The following ZFYVE1 variants were observed in gnomAD, a reference collection of about 807,000 sequenced individuals.
The protein encoded by ZFYVE1 is zinc finger FYVE domain-containing protein 1.
In ZFYVE1, 30 loss-of-function variants were observed where a neutral mutation model predicts 74.4. The observed-to-expected ratio is 0.40, with a 90% confidence interval of 0.30 to 0.55. The LOEUF is 0.55. ZFYVE1 is among the 20% of genes least tolerant of loss of function. The probability of loss-of-function intolerance (pLI) is 0.42; values close to 1 mark genes in which losing one functional copy is unlikely to be tolerated. For synonymous variants in ZFYVE1, 335 were observed against 385.1 expected (o/e 0.87, Z 1.52); for missense variants, 703 against 1,011.6 (o/e 0.69, Z 4.14).
chr14:72,973,643 CT>C (rs1893092492), intron 11 of ZFYVE1, among the ~76,000 whole-genome samples: 1 of 152,168 alleles, frequency 6.6e-6, no homozygotes, highest in Non-Finnish European at 1.5e-5. Context: ...GAGTGAGGCT[CT>C]GCTACACACA....
In ZFYVE1 at chr14:72,988,300, G is replaced by A. The variant is rs772058663; in HGVS notation, c.1203+4843C>T. Among the ~76,000 whole-genome samples, 5 of 150,824 alleles carry A rather than the reference G, an allele frequency of 3.3e-5. No individual in the cohort carries two copies. The South Asian group carries it at 8.4e-4, about 25-fold the overall frequency. ...AGGGATTCTCCTGATTCAGCCTCCC[G>A]GGTAGCTGGGATTACAGGCACACAC... On this transcript the variant is annotated intron_variant, in intron 4 of 11. Coordinates refer to ENST00000556143, the MANE Select transcript of ZFYVE1 (RefSeq NM_021260.4).
In ZFYVE1 at chr14:73,015,680, G is replaced by A. The variant is rs533775010; in HGVS notation, c.483+8346C>T. On this transcript the variant is annotated intron_variant, in intron 2 of 11. Transcript: ENST00000556143. ...ATTACAGGCGTGAGCCACCACGCCC[G>A]GCCTGCTATTTTCCATTCCTGAACT... 1.9e-4 allele frequency among the ~76,000 whole-genome samples: 29 copies of A among 152,238 alleles called. No homozygotes were observed. In the South Asian group the frequency reaches 4.6e-3, roughly 24 times the overall value.
In ZFYVE1 at chr14:72,974,206, A is replaced by G; in HGVS notation, c.1988-13T>C. On this transcript the variant is annotated splice_polypyrimidine_tract_variant and intron_variant, in intron 10 of 11. Coordinates refer to ENST00000556143, the MANE Select transcript of ZFYVE1 (RefSeq NM_021260.4). ...GCCTCGGTAACAGCTGTAGACAGTA[A>G]TAAAGGAAATGCTGTCACCTCTAAG... The G allele has an allele frequency of 1.9e-6, 3 of 1,611,316 alleles. No homozygotes were observed. The highest frequency in any genetic ancestry group is 2.5e-6 in the Non-Finnish European group (3 of 1,177,482).
In ZFYVE1 at chr14:72,990,148, T is replaced by A. The variant is rs8014653; in HGVS notation, c.1203+2995A>T. ...AATTAAGCATTTTTAATTTAAAGGA[T>A]GTTTAAAACAAAAAAGTACAAAACC... On this transcript the variant is annotated intron_variant, in intron 4 of 11. Coordinates refer to ENST00000556143, the MANE Select transcript of ZFYVE1 (RefSeq NM_021260.4). 3.8e-3 allele frequency among the ~76,000 whole-genome samples: 572 copies of A among 152,342 alleles called. 2 individuals carry two copies. Among genetic ancestry groups the A allele is most frequent in the African/African-American group, 0.013 (529 of 41,584 alleles).
rs1324785270 is a variant in ZFYVE1 at position 73,024,158 on chromosome 14, A to C, written c.351T>G (p.Pro117=). The C allele has an allele frequency of 6.2e-7, 1 of 1,614,174 alleles. No homozygotes were observed. Among genetic ancestry groups the C allele is most frequent in the South Asian group, 1.1e-5 (1 of 91,080 alleles). ...THSGGNKRRH[P]VTVYNVSNLQ... ...GATTACTGACATTGTACACAGTAAC[A>C]GGGTGTCTCCTTTTGTTACCCCCAG... The change falls in exon 2 of 12, where the codon CCT becomes CCG. Residue 117 remains proline (P), a synonymous_variant. Transcript: ENST00000556143.
chr14:73,017,831 A>G (rs184900944), intron 2 of ZFYVE1, among the ~76,000 whole-genome samples: 47 of 152,248 alleles, frequency 3.1e-4, no homozygotes, highest in African/African-American at 1.0e-3. Context: ...TAGTCTATAC[A>G]TCAGTCTCTA....
rs777443161 is a variant in ZFYVE1 at position 72,998,081 on chromosome 14, G to A, written c.718C>T (p.Leu240=). 1.9e-6 allele frequency: 3 copies of A among 1,614,098 alleles called. No homozygotes were observed. Among genetic ancestry groups the A allele is most frequent in the African/African-American group, 1.3e-5 (1 of 75,030 alleles). ...KVAVIDTEGL[L]GATVNLSQRT... is the part of the protein sequence containing the mutation. The stretch of plus-strand genomic sequence containing the variant: ...TGGCTTAGATTCACGGTGGCCCCCA[G>A]GAGCCCTTCCGTATCGATCACTGCT... Residue 240 remains leucine, a synonymous_variant, in exon 3 of 12, where the codon CTG becomes TTG. Transcript: ENST00000556143.
intron 2 of ZFYVE1, among the ~76,000 whole-genome samples, chr14:73,009,558 C>T (rs906421825): frequency 6.6e-6 from 1 of 152,164 alleles, no homozygotes; most frequent in Non-Finnish European, 1.5e-5. Context: ...AGTTCGAGAC[C>T]AGCCTGACCA....
rs113653103 is a variant in ZFYVE1 at position 72,978,536 on chromosome 14, C to T, written c.1420-302G>A. ...AAGCCAAGATTGTGCCACTGCACTC[C>T]AGCCTGGCTGACAGAGCAAGACTCT... On this transcript the variant is annotated intron_variant, in intron 6 of 11. Coordinates refer to ENST00000556143, the MANE Select transcript of ZFYVE1 (RefSeq NM_021260.4). 5.3e-3 allele frequency among the ~76,000 whole-genome samples: 669 copies of T among 127,246 alleles called. 4 individuals are homozygous for T. The highest frequency in any genetic ancestry group is 0.019 in the African/African-American group (628 of 33,192). The allele number at this position is 127,246 out of a possible 152,430, so 83.5% of individuals were successfully genotyped here. A position where few individuals can be genotyped will look rare whatever the true frequency, so the allele number is the denominator to read the frequency against.
Position 73,027,064 on chromosome 14 carries a change from C to A in ZFYVE1, c.-573G>T, listed in dbSNP as rs1340246536. 1.5e-5 allele frequency: 6 copies of A among 399,488 alleles called. No individual in the cohort carries two copies. The highest frequency in any genetic ancestry group is 2.2e-5 in the Non-Finnish European group (5 of 226,742). The allele number at this position is 399,488 out of a possible 1,614,324, so 24.7% of individuals were successfully genotyped here. On this transcript the variant is annotated 5_prime_UTR_variant, in exon 1 of 12. Transcript: ENST00000556143. ...CCCTCCTCCTTCGTTGCCTCCCGGG[C>A]TTCCTCCTCTCCTGTTGTCAGTTGG... is the stretch of plus-strand genomic sequence containing the variant.
intron 5 of ZFYVE1, among the ~76,000 whole-genome samples, chr14:72,980,531 T>G (rs76629590): frequency 0.042 from 4,449 of 105,284 alleles, 148 homozygotes; most frequent in East Asian, 0.13. Context: ...ACCTGAGAAT[T>G]AATTAATTTA....
At chr14:72,977,684 G>A (rs1024795252) in intron 8 of ZFYVE1, among the ~76,000 whole-genome samples, 1 of 152,022 alleles carries the variant, frequency 6.6e-6, no homozygotes, top group African/African-American at 2.4e-5. Flanking sequence ...TTTGCCAAAG[G>A]AGTAAAACTA....
At chr14:72,987,090 T>C (rs1893501515) in intron 4 of ZFYVE1, 4 of 392,970 alleles carry the variant, frequency 1.0e-5, no homozygotes, top group Non-Finnish European at 1.0e-5. Context: ...ATTGTATCTA[T>C]AGGGCTGGCC....
At chr14:72,987,798 C>G (rs1290957506) in intron 4 of ZFYVE1, among the ~76,000 whole-genome samples, 1 of 152,108 alleles carries the variant, frequency 6.6e-6, no homozygotes, top group African/African-American at 2.4e-5. Context: ...ATTGTGGACC[C>G]TGAGCAAAGG....
At chr14:72,992,618 C>CCCT (rs1555532801) in intron 4 of ZFYVE1, among the ~76,000 whole-genome samples, 1 of 108,776 alleles carries the variant, frequency 9.2e-6, no homozygotes, top group African/African-American at 3.7e-5. Flanking sequence ...TTCAGGTGCC[C>CCCT]CCCCCGCCCC....
At chr14:72,971,473 A>T (rs963852417) in intron 11 of ZFYVE1, among the ~76,000 whole-genome samples, 1 of 152,060 alleles carries the variant, frequency 6.6e-6, no homozygotes, top group African/African-American at 2.4e-5. Flanking sequence ...AGTAGCTGGG[A>T]CTACAGGTGT....
intron 2 of ZFYVE1, among the ~76,000 whole-genome samples, chr14:73,015,550 A>T (rs1468520736): frequency 6.6e-6 from 1 of 151,644 alleles, no homozygotes; most frequent in Non-Finnish European, 1.5e-5. Context: ...TGCCCAGCTG[A>T]TTTCTGTATT....
In ZFYVE1 at chr14:72,977,957, C is replaced by A. The variant is rs753147139; in HGVS notation, c.1605G>T (p.Val535=). ...GCCACACATGCACAATCTCTGTCCG[C>A]ACCACCGTATCCACAGGATCTTGGT... ...FGNQDPVDTV[V]RTEIVHVWPG... is the part of the protein sequence containing the mutation. Residue 535 remains valine, a synonymous_variant, in exon 8 of 12, where the codon GTG becomes GTT. Coordinates refer to ENST00000556143, the MANE Select transcript of ZFYVE1 (RefSeq NM_021260.4). 1 of 1,614,200 alleles carries A rather than the reference C, an allele frequency of 6.2e-7. No individual in the cohort carries two copies. Among genetic ancestry groups the A allele is most frequent in the African/African-American group, 1.3e-5 (1 of 75,050 alleles).
At chr14:72,997,370 A>T (rs1010125740) in intron 3 of ZFYVE1, among the ~76,000 whole-genome samples, 2 of 149,508 alleles carry the variant, frequency 1.3e-5, no homozygotes, top group East Asian at 3.9e-4. Flanking sequence ...TCCTAATCTT[A>T]TTTTTTTTTT....
Sources: gnomAD v4.1 joint callset for allele counts (sites outside exome capture counted in the v4.1 genomes callset) on GRCh38, gnomAD v4.1.1 for gene constraint, MANE v1.5 for transcripts, NCBI Gene and HGNC (gene_info 2026-07-23, HGNC 2026-07-21) for gene names.